Variants in CAPG observed in about 807,000 individuals in gnomAD.
CAPG encodes the protein macrophage-capping protein.
A neutral mutation model predicts 44.6 loss-of-function variants in CAPG; 32 were observed. That is an observed-to-expected ratio of 0.72 (90% CI 0.54 to 0.96). CAPG has a LOEUF of 0.96. Ranked by LOEUF, CAPG falls within the 50% of genes least tolerant of loss-of-function variation. The pLI is 0.00. For synonymous variants in CAPG, 175 were observed against 179.6 expected (o/e 0.97, Z 0.20); for missense variants, 412 against 438.3 (o/e 0.94, Z 0.54).
At chr2:85,416,698 G>A (rs1416626208) in intron 1 of CAPG, among the ~76,000 whole-genome samples, 1 of 152,094 alleles carries the variant, frequency 6.6e-6, no homozygotes, top group Non-Finnish European at 1.5e-5. Flanking sequence ...ATTTTTAGTA[G>A]AGACAGGGTT....
At chr2:85,393,181 T>C (rs1289284556), downstream of CAPG, among the ~76,000 whole-genome samples, 1 of 151,820 alleles carries the variant, frequency 6.6e-6, no homozygotes, top group Non-Finnish European at 1.5e-5. Context: ...GACTACAGGT[T>C]TGTGCCACCA....
chr2:85,394,006 C>T (rs1209739220), downstream of CAPG, among the ~76,000 whole-genome samples: 3 of 152,216 alleles, frequency 2.0e-5, no homozygotes, highest in African/African-American at 7.2e-5. Flanking sequence ...GAGGATGAGT[C>T]AGGGTGGTTG....
At position 85,398,515 on chromosome 2, in the gene CAPG, G is replaced by A. The variant is rs115840755; in HGVS notation, c.759+175C>T. On this transcript the variant is annotated intron_variant, in intron 7 of 9. Transcript: ENST00000263867. ...ATCTCCTCAGGAGGGCCTGCCTTCC[G>A]CCCACTCCCCATCCTTGTCTCACTC... Among the ~76,000 whole-genome samples, 580 of 152,240 alleles carry A rather than the reference G, an allele frequency of 3.8e-3. 4 individuals carry two copies. The highest frequency in any genetic ancestry group is 0.014 in the African/African-American group (563 of 41,540).
chr2:85,398,769 TTG>T lies in CAPG; in HGVS notation c.678_679del (p.Lys227AlafsTer9). The T allele has an allele frequency of 6.2e-7, 1 of 1,604,822 alleles. No individual in the cohort carries two copies. On this transcript the variant is annotated frameshift_variant, in exon 7 of 10. Coordinates refer to ENST00000263867, the MANE Select transcript of CAPG (RefSeq NM_001747.4). LOFTEE classifies it high-confidence loss of function. ...AGGGTTGCCCTCCTTCAGAGCAGGC[TTG>T]GGGCCCAGGACCTGCAGGGGCCAGG...
intron 5 of CAPG, among the ~76,000 whole-genome samples, chr2:85,400,104 C>T (rs1686810706): frequency 6.6e-6 from 1 of 152,208 alleles, no homozygotes; most frequent in Non-Finnish European, 1.5e-5. Flanking sequence ...CACCTATCTC[C>T]ACCTACTAGA....
chr2:85,396,745 A>C (rs566037383), intron 8 of CAPG, among the ~76,000 whole-genome samples: 1 of 152,276 alleles, frequency 6.6e-6, no homozygotes, highest in Admixed American at 6.5e-5. Context: ...GCCCTGCAGC[A>C]CACGCCTCTC....
intron 1 of CAPG, among the ~76,000 whole-genome samples, chr2:85,405,427 A>C (rs1221211756): frequency 1.3e-5 from 2 of 152,206 alleles, no homozygotes; most frequent in South Asian, 2.1e-4. Flanking sequence ...GATGAGCCCC[A>C]GTGGCACAGG....
At chr2:85,410,683 AT>A (rs1447484820), upstream of CAPG, 3 of 152,418 alleles carry the variant, frequency 2.0e-5, no homozygotes, top group African/African-American at 7.2e-5. Context: ...AAGGAAAGCC[AT>A]GTTCTCCATT....
intron 1 of CAPG, among the ~76,000 whole-genome samples, chr2:85,416,058 A>T (rs1687544787): frequency 1.3e-5 from 2 of 152,132 alleles, no homozygotes; most frequent in South Asian, 4.1e-4. Context: ...ACAATGCAAG[A>T]TACCATCACC....
At chr2:85,406,716 G>GGCTTCGTGGCTCAT (rs1219324546) in intron 1 of CAPG, among the ~76,000 whole-genome samples, 1 of 151,964 alleles carries the variant, frequency 6.6e-6, no homozygotes. Flanking sequence ...AAATTAGCTG[G>GGCTTCGTGGCTCAT]GCTTCGTGGC....
chr2:85,393,091 A>G (rs1213305883), downstream of CAPG, among the ~76,000 whole-genome samples: 1 of 151,148 alleles, frequency 6.6e-6, no homozygotes, highest in Non-Finnish European at 1.5e-5. Context: ...GCTGGAGTGC[A>G]GTGGCGCGAT....
At chr2:85,413,014 C>T (rs1470592520), upstream of CAPG, 1 of 152,276 alleles carries the variant, frequency 6.6e-6, no homozygotes, top group African/African-American at 2.4e-5. Flanking sequence ...AGAAATGTGC[C>T]TGGCCACTCC....
downstream of CAPG, among the ~76,000 whole-genome samples, chr2:85,394,091 C>CA (rs1434569732): frequency 1.3e-5 from 2 of 152,254 alleles, no homozygotes; most frequent in East Asian, 3.8e-4. Context: ...GGCCCCTGGG[C>CA]ATGCCTTCTC....
At position 85,395,283 on chromosome 2, in the gene CAPG, A is replaced by G. The variant is rs1686535383; in HGVS notation, c.981+255T>C. On this transcript the variant is annotated intron_variant, in intron 9 of 9. Transcript: ENST00000263867. This position sits in a 1 kb window ranked among gnomAD's most constrained non-coding sequence, Gnocchi z 4.3. Reference sequence around the variant, plus strand: ...GCAGGAGGGGTGGCACCAGCCAGGGACAACGGCCCAGAGGAGGAGTACCCA... The same window carrying G: ...GCAGGAGGGGTGGCACCAGCCAGGGGCAACGGCCCAGAGGAGGAGTACCCA... 6.6e-6 allele frequency among the ~76,000 whole-genome samples: 1 copy of G among 152,226 alleles called. No individual in the cohort carries two copies. The highest frequency in any genetic ancestry group is 2.4e-5 in the African/African-American group (1 of 41,466).
chr2:85,411,421 G>A (rs1573193598), upstream of CAPG, among the ~76,000 whole-genome samples: 1 of 152,344 alleles, frequency 6.6e-6, no homozygotes, highest in African/African-American at 2.4e-5. Flanking sequence ...CCGAGGTCCT[G>A]AGAGCACAAG....
In CAPG at chr2:85,394,830, C is replaced by T; in HGVS notation, c.*63G>A. On this transcript the variant is annotated 3_prime_UTR_variant, in exon 10 of 10. Transcript: ENST00000263867. ...GGGCACCTCTGCACTGACCAGGCAGCCAGAGAAGCAAGCAGGCAGGTGGTG... is the reference window on the plus strand; with the variant it reads ...GGGCACCTCTGCACTGACCAGGCAGTCAGAGAAGCAAGCAGGCAGGTGGTG... 1.7e-6 allele frequency: 2 copies of T among 1,202,192 alleles called. No homozygotes were observed. The highest frequency in any genetic ancestry group is 2.5e-6 in the Non-Finnish European group (2 of 803,404). 74.5% of individuals were successfully genotyped at this position (1,202,192 alleles called of 1,614,324 possible).
intron 1 of CAPG, among the ~76,000 whole-genome samples, chr2:85,408,342 A>T (rs1208548576): frequency 1.7e-5 from 1 of 58,850 alleles, no homozygotes; most frequent in Non-Finnish European, 4.0e-5. Context: ...AATCTGTCAC[A>T]CACACACACA....
At chr2:85,409,318 A>G (rs1573191438) in intron 1 of CAPG, among the ~76,000 whole-genome samples, 1 of 152,062 alleles carries the variant, frequency 6.6e-6, no homozygotes. Flanking sequence ...GGGCTGGGGG[A>G]GGGGAGGACG....
At chr2:85,416,606 C>A (rs535392849) in intron 1 of CAPG, among the ~76,000 whole-genome samples, 1 of 152,156 alleles carries the variant, frequency 6.6e-6, no homozygotes, top group East Asian at 1.9e-4. Context: ...TCCCCCCCGC[C>A]GGTTCAAGTG....
Sources: allele counts gnomAD v4.1 joint callset (sites outside exome capture counted in the v4.1 genomes callset), GRCh38; gene constraint gnomAD v4.1.1; non-coding constraint Gnocchi (gnomAD v3.1); transcripts MANE v1.5; gene names NCBI Gene and HGNC (gene_info 2026-07-23, HGNC 2026-07-21).